The following TTC34 variants were observed in gnomAD, a reference collection of about 807,000 sequenced individuals.
TTC34 encodes the protein tetratricopeptide repeat domain 34, also known as tetratricopeptide repeat protein 34.
A neutral mutation model predicts 40.7 loss-of-function variants in TTC34; 44 were observed. The observed-to-expected ratio is 1.08, with a 90% CI of 0.85 to 1.39. The LOEUF (loss-of-function observed/expected upper bound fraction) is 1.39. Ranked by LOEUF, TTC34 falls within the 40% of genes most tolerant of loss-of-function variation. The pLI, the probability that TTC34 is intolerant of heterozygous loss-of-function variation, is 0.00. For missense variants in TTC34, 884 were observed against 838.0 expected (o/e 1.05, Z -0.68); for synonymous variants, 422 against 398.6 (o/e 1.06, Z -0.70).
At chr1:2,783,127 G>T (rs1403200691) in intron 6 of TTC34, among the ~76,000 whole-genome samples, 1 of 152,218 alleles carries the variant, frequency 6.6e-6, no homozygotes. Context: ...GCAGGTAAAT[G>T]AAGCTCAGAT....
At chr1:2,753,291 T>G (rs1641387736) in intron 6 of TTC34, among the ~76,000 whole-genome samples, 1 of 67,876 alleles carries the variant, frequency 1.5e-5, no homozygotes, top group African/African-American at 7.4e-5. Context: ...AACAGCACCC[T>G]GCACACCCAG....
intron 6 of TTC34, among the ~76,000 whole-genome samples, chr1:2,655,086 A>C (rs1377681281): frequency 3.6e-5 from 5 of 140,552 alleles, no homozygotes; most frequent in South Asian, 2.2e-4. Flanking sequence ...CTGGAGCAGC[A>C]ACCACACCCC....
intron 6 of TTC34, among the ~76,000 whole-genome samples, chr1:2,687,041 CA>C (rs1640392618): frequency 2.6e-4 from 33 of 126,414 alleles, no homozygotes; most frequent in East Asian, 7.1e-4. Context: ...GCAGCACCCA[CA>C]ACCCCAGGCG....
At chr1:2,654,050 C>G (rs1570757780) in intron 6 of TTC34, among the ~76,000 whole-genome samples, 2 of 149,542 alleles carry the variant, frequency 1.3e-5, no homozygotes, top group African/African-American at 5.0e-5. Context: ...GTGCCCACAC[C>G]ACCAGGTGAG....
chr1:2,801,384 G>A (rs1367611140), intron 1 of TTC34, among the ~76,000 whole-genome samples, 193 bp downstream of exon 1: 5 of 151,982 alleles, frequency 3.3e-5, no homozygotes, highest in East Asian at 1.9e-4. Context: ...CCCTTGGGTC[G>A]GGGGAGCCAC....
At chr1:2,687,004 C>A (rs1371439234) in intron 6 of TTC34, among the ~76,000 whole-genome samples, 865 of 101,006 alleles carry the variant, frequency 8.6e-3, no homozygotes, top group African/African-American at 0.021. Context: ...GCACCCACAC[C>A]CCCAGGTGAG....
intron 6 of TTC34, among the ~76,000 whole-genome samples, chr1:2,657,414 CCAGTA>C (rs1639387274): frequency 3.3e-5 from 3 of 90,198 alleles, no homozygotes; most frequent in Non-Finnish European, 5.6e-5. Flanking sequence ...CGGAGCAGTA[CCAGTA>C]CCCCCAGGCG....
At chr1:2,653,672 C>G (rs1203979341) in intron 6 of TTC34, among the ~76,000 whole-genome samples, 1 of 151,604 alleles carries the variant, frequency 6.6e-6, no homozygotes, top group African/African-American at 2.4e-5. Flanking sequence ...ATCTGACAGC[C>G]TGGAACAGCA....
Position 2,750,474 on chromosome 1 carries a change from A to G in TTC34, c.2226+33135T>C, listed in dbSNP as rs1429079839. Among the ~76,000 whole-genome samples, 3 of 116,762 alleles carry G rather than the reference A, an allele frequency of 2.6e-5. 1 individual carries two copies. The highest frequency in any genetic ancestry group is 3.4e-5 in the Non-Finnish European group (2 of 58,946). The allele number at this position is 116,762 out of a possible 152,430, so 76.6% of individuals were successfully genotyped here. On this transcript the variant is annotated intron_variant, in intron 6 of 8. Coordinates refer to ENST00000401095, the Ensembl canonical transcript of TTC34. Reference sequence around the variant, plus strand: ...AGGCGAGTATCTGACGGCCTGGAACAGCACCCACACCCCCAGTTGAGCATT... The same window carrying G: ...AGGCGAGTATCTGACGGCCTGGAACGGCACCCACACCCCCAGTTGAGCATT...
At chr1:2,683,443 G>A (rs1239684968) in intron 6 of TTC34, among the ~76,000 whole-genome samples, 123 of 94,574 alleles carry the variant, frequency 1.3e-3, no homozygotes, top group Middle Eastern at 5.5e-3. Context: ...CCCCAGGTGA[G>A]CATCCGACAG....
At chr1:2,643,768 C>A (rs1287132502) in intron 8 of TTC34, among the ~76,000 whole-genome samples, 1 of 152,226 alleles carries the variant, frequency 6.6e-6, no homozygotes, top group East Asian at 1.9e-4. Flanking sequence ...TCCTAAGTGG[C>A]CCCGGAGTGC....
At chr1:2,683,914 C>A (rs867750200) in intron 6 of TTC34, among the ~76,000 whole-genome samples, 1 of 150,360 alleles carries the variant, frequency 6.7e-6, no homozygotes, top group South Asian at 2.1e-4. Context: ...GCACCCACAC[C>A]TCCAGGTGAG....
chr1:2,785,480 G>A (rs1458552832), intron 5 of TTC34, among the ~76,000 whole-genome samples: 3 of 152,170 alleles, frequency 2.0e-5, no homozygotes, highest in Admixed American at 6.5e-5. Context: ...AGGGCTGAGG[G>A]GAGCAGGGAC....
chr1:2,751,562 GCA>G (rs1641320290), intron 6 of TTC34, among the ~76,000 whole-genome samples: 4 of 24,514 alleles, frequency 1.6e-4, no homozygotes, highest in Admixed American at 4.9e-4. Flanking sequence ...GCAACAGCAC[GCA>G]CACCCCCAGG....
chr1:2,673,482 G>A (rs1287793085), intron 6 of TTC34, among the ~76,000 whole-genome samples: 3 of 77,860 alleles, frequency 3.9e-5, no homozygotes, highest in South Asian at 3.2e-4. Context: ...ACACGCCCAG[G>A]TGAGCATCTG....
intron 6 of TTC34, among the ~76,000 whole-genome samples, chr1:2,680,947 A>G (rs1413277709): frequency 8.6e-6 from 1 of 115,978 alleles, no homozygotes; most frequent in Non-Finnish European, 2.0e-5. Context: ...CCCATAGCCC[A>G]TGGTGAGCAT....
At chr1:2,789,447 C>T in intron 3 of TTC34, 56 bp downstream of exon 3, 2 of 1,461,482 alleles carry the variant, frequency 1.4e-6, no homozygotes, top group Non-Finnish European at 1.8e-6. Context: ...TCCGTCGCTA[C>T]CTCGAAGGAG....
intron 6 of TTC34, among the ~76,000 whole-genome samples, chr1:2,747,670 C>CCCT (rs1641197038): frequency 7.8e-6 from 1 of 128,102 alleles, no homozygotes; most frequent in Admixed American, 8.0e-5. Flanking sequence ...TGGAACAGCA[C>CCCT]GCAAACCCCC....
chr1:2,791,392 T>A (rs57572926), intron 2 of TTC34, among the ~76,000 whole-genome samples: 9,111 of 152,310 alleles, frequency 0.06, 383 homozygotes, highest in South Asian at 0.099. Flanking sequence ...TTGCACTGAC[T>A]CCTTCAGAAT....
Sources: gnomAD v4.1 joint callset for allele counts (sites outside exome capture counted in the v4.1 genomes callset) on GRCh38, gnomAD v4.1.1 for gene constraint, MANE v1.5 for transcripts, NCBI Gene and HGNC (gene_info 2026-07-23, HGNC 2026-07-21) for gene names.